Variants in GLIS3 observed in about 807,000 individuals in gnomAD.
The protein encoded by GLIS3 is zinc finger protein GLIS3.
GLIS3 carries 53 observed loss-of-function variants against 78.6 expected under a neutral mutation model. The observed-to-expected ratio is 0.67, with a 90% CI of 0.54 to 0.85. The LOEUF (loss-of-function observed/expected upper bound fraction) is 0.85, where lower values mean the gene tolerates loss of function less well. GLIS3 is among the 40% of genes least tolerant of loss of function. The pLI is 0.00. For missense variants in GLIS3, 1,703 were observed against 1,231.1 expected, an observed-to-expected ratio of 1.38 and a Z score of -5.74; for synonymous variants, 684 against 509.9, an observed-to-expected ratio of 1.34 and a Z score of -4.60.
At chr9:4,251,317 T>C (rs1824355013) in intron 2 of GLIS3, among the ~76,000 whole-genome samples, 1 of 152,212 alleles carries the variant, frequency 6.6e-6, no homozygotes. Flanking sequence ...ATATTTAGGA[T>C]AGTTTACTCT....
At chr9:4,256,601 C>A (rs999074203) in intron 2 of GLIS3, among the ~76,000 whole-genome samples, 1 of 152,068 alleles carries the variant, frequency 6.6e-6, no homozygotes, top group African/African-American at 2.4e-5. Flanking sequence ...CCTATTGATC[C>A]AGTAATTCTA....
chr9:4,144,132 C>T (rs942665682), intron 2 of GLIS3, among the ~76,000 whole-genome samples: 5 of 152,114 alleles, frequency 3.3e-5, no homozygotes, highest in African/African-American at 1.2e-4. Context: ...GAACAAAGAT[C>T]GAGAAACCTT....
Position 3,828,039 on chromosome 9 carries a change from C to T in GLIS3, c.*233G>A. ...AGGCTCTAAATTCCCTTTGAAAAGA[C>T]AGTCCTCCTGGTCACATAGTCCAGG... On this transcript the variant is annotated 3_prime_UTR_variant, in exon 11 of 11. Coordinates refer to ENST00000381971, the MANE Select transcript of GLIS3 (RefSeq NM_001042413.2). 1.8e-6 allele frequency: 1 copy of T among 563,652 alleles called. No individual in the cohort carries two copies. Among genetic ancestry groups the T allele is most frequent in the South Asian group, 2.0e-5 (1 of 49,590 alleles). The allele number at this position is 563,652 out of a possible 1,614,324, so 34.9% of individuals were successfully genotyped here. A position where few individuals can be genotyped will look rare whatever the true frequency, so the allele number is the denominator to read the frequency against.
intron 2 of GLIS3, among the ~76,000 whole-genome samples, chr9:4,274,127 GA>G (rs1211267029): frequency 6.6e-6 from 1 of 152,154 alleles, no homozygotes; most frequent in Non-Finnish European, 1.5e-5. Context: ...CTGGTGGCTT[GA>G]AAAGGTCACC....
chr9:4,107,360 T>G (rs1282446649), intron 4 of GLIS3, among the ~76,000 whole-genome samples: 5 of 152,086 alleles, frequency 3.3e-5, no homozygotes, highest in Admixed American at 3.3e-4. Flanking sequence ...TGTGACTGAG[T>G]GCTGCCGAAT....
At chr9:4,323,065 T>C (rs754620732) in intron 2 of GLIS3, among the ~76,000 whole-genome samples, 3 of 152,226 alleles carry the variant, frequency 2.0e-5, no homozygotes, top group Non-Finnish European at 4.4e-5. Context: ...TTTAAGTCTT[T>C]AACGGATCTT....
intron 4 of GLIS3, among the ~76,000 whole-genome samples, chr9:4,064,626 C>G (rs1216832998): frequency 6.6e-6 from 1 of 152,038 alleles, no homozygotes; most frequent in East Asian, 1.9e-4. Flanking sequence ...CTTGTGTCTA[C>G]TAAAAATATT....
intron 4 of GLIS3, among the ~76,000 whole-genome samples, chr9:4,100,298 A>T (rs1246561202): frequency 6.6e-6 from 1 of 152,134 alleles, no homozygotes; most frequent in Non-Finnish European, 1.5e-5. Flanking sequence ...CCTAGTCATT[A>T]ACCTTACACC....
intron 2 of GLIS3, among the ~76,000 whole-genome samples, chr9:4,187,367 G>C (rs1335247158): frequency 1.3e-5 from 2 of 152,050 alleles, no homozygotes; most frequent in African/African-American, 2.4e-5. Flanking sequence ...CTCTGTTTTG[G>C]TACCAGTACC....
At chr9:4,060,248 C>G (rs1826532233) in intron 4 of GLIS3, among the ~76,000 whole-genome samples, 1 of 152,196 alleles carries the variant, frequency 6.6e-6, no homozygotes, top group South Asian at 2.1e-4. Context: ...ATTTAATGGA[C>G]TAAACCTCCC....
intron 6 of GLIS3, among the ~76,000 whole-genome samples, chr9:3,918,946 G>C (rs1241532151): frequency 6.6e-6 from 1 of 152,148 alleles, no homozygotes; most frequent in East Asian, 1.9e-4. Flanking sequence ...AGATCCCATA[G>C]GTGTGAGTTC....
chr9:4,006,647 G>C (rs944129472), intron 4 of GLIS3, among the ~76,000 whole-genome samples: 1 of 152,152 alleles, frequency 6.6e-6, no homozygotes. Flanking sequence ...TGCACTAGAT[G>C]AAAACACTGA....
chr9:4,337,522 T>C (rs977809985), intron 2 of GLIS3, among the ~76,000 whole-genome samples: 1 of 152,228 alleles, frequency 6.6e-6, no homozygotes, highest in African/African-American at 2.4e-5. Context: ...CTATGTACTC[T>C]ACAATGATGT....
intron 4 of GLIS3, among the ~76,000 whole-genome samples, chr9:4,023,125 A>G (rs1349518254): frequency 1.3e-5 from 2 of 152,234 alleles, no homozygotes; most frequent in East Asian, 3.8e-4. Context: ...GCATTTACAT[A>G]TTGAACTCCA....
chr9:4,377,170 G>A, the GLIS3 span, among the ~76,000 whole-genome samples: 1 of 135,178 alleles, frequency 7.4e-6, no homozygotes, highest in East Asian at 2.2e-4. Flanking sequence ...TGCCAGAGGA[G>A]ACTGACATTT....
chr9:3,824,533 C>A lies in GLIS3; in HGVS notation c.*3739G>T, dbSNP rs1199497321. Reference sequence around the variant, plus strand: ...CACAATCCCTTCATTTTACTTTTGACATAAAAAAAGGACTTCATGAACAAG... The same window carrying A: ...CACAATCCCTTCATTTTACTTTTGAAATAAAAAAAGGACTTCATGAACAAG... On this transcript the variant is annotated 3_prime_UTR_variant, in exon 11 of 11. Transcript: ENST00000381971. The A allele has an allele frequency of 6.6e-6, 1 of 151,970 alleles. No individual in the cohort carries two copies. The highest frequency in any genetic ancestry group is 1.9e-4 in the East Asian group (1 of 5,200). The allele number at this position is 151,970 out of a possible 1,614,324, so 9.4% of individuals were successfully genotyped here.
At chr9:4,279,031 G>T (rs1352144888) in intron 2 of GLIS3, among the ~76,000 whole-genome samples, 2 of 152,124 alleles carry the variant, frequency 1.3e-5, no homozygotes, top group East Asian at 1.9e-4. Flanking sequence ...GCTGGGCACG[G>T]TGGCTCATGC....
chr9:4,441,911 C>G, the GLIS3 span, among the ~76,000 whole-genome samples: 1 of 152,082 alleles, frequency 6.6e-6, no homozygotes, highest in East Asian at 1.9e-4. Flanking sequence ...ACCTGGCCAT[C>G]TTTTTTTGTT....
the GLIS3 span, among the ~76,000 whole-genome samples, chr9:4,453,345 C>CAAAAAAAAAAAAA: frequency 4.4e-5 from 4 of 91,650 alleles, no homozygotes; most frequent in Non-Finnish European, 6.6e-5. Flanking sequence ...TTCTGCACAG[C>CAAAAAAAAAAAAA]AAAAAAAAAA....
Sources: allele counts gnomAD v4.1 joint callset (sites outside exome capture counted in the v4.1 genomes callset), GRCh38; gene constraint gnomAD v4.1.1; transcripts MANE v1.5; gene names NCBI Gene and HGNC (gene_info 2026-07-23, HGNC 2026-07-21).